The following ADAMTSL3 variants were observed in gnomAD, a reference collection of about 807,000 sequenced individuals.
ADAMTSL3 encodes the protein ADAMTS-like protein 3.
Under a neutral mutation model 201.7 loss-of-function variants are expected in ADAMTSL3, and 128 were observed. The ratio of observed to expected loss-of-function variants is 0.63; its 90% confidence interval spans 0.55 to 0.73. The LOEUF (loss-of-function observed/expected upper bound fraction) is 0.73, where lower values mean the gene tolerates loss of function less well. Among genes scored for constraint, ADAMTSL3 ranks in the 30% least tolerant of loss-of-function variants. ADAMTSL3 has a pLI of 0.00. For synonymous variants in ADAMTSL3, 738 were observed against 748.4 expected, an observed-to-expected ratio of 0.99 and a Z score of 0.23; for missense variants, 1,990 against 2,119.6, an observed-to-expected ratio of 0.94 and a Z score of 1.20.
chr15:83,806,559 A>G (rs2063606043), intron 5 of ADAMTSL3, among the ~76,000 whole-genome samples: 1 of 152,262 alleles, frequency 6.6e-6, no homozygotes, highest in South Asian at 2.1e-4. Flanking sequence ...CAGATATCAA[A>G]GTAGATACAC....
intron 17 of ADAMTSL3, among the ~76,000 whole-genome samples, chr15:83,932,057 C>A (rs1204975559): frequency 6.6e-6 from 1 of 152,090 alleles, no homozygotes; most frequent in Non-Finnish European, 1.5e-5. Context: ...TTAAAAGCTA[C>A]CACTCATGAA....
chr15:83,719,069 G>A (rs1028272118), intron 3 of ADAMTSL3, among the ~76,000 whole-genome samples: 32 of 152,148 alleles, frequency 2.1e-4, no homozygotes, highest in African/African-American at 7.5e-4. Flanking sequence ...GTCGCAAAAA[G>A]GGAGACAGCC....
intron 3 of ADAMTSL3, among the ~76,000 whole-genome samples, chr15:83,755,039 C>T (rs2062697227): frequency 6.6e-6 from 1 of 152,060 alleles, no homozygotes. Flanking sequence ...GTTATTTATT[C>T]AAAGTTTAAT....
At chr15:83,871,424 G>A (rs796165150) in intron 9 of ADAMTSL3, among the ~76,000 whole-genome samples, 55 of 152,316 alleles carry the variant, frequency 3.6e-4, no homozygotes, top group African/African-American at 1.3e-3. Flanking sequence ...TCCTAAACCA[G>A]TATTGTGCCG....
At chr15:83,841,698 G>C (rs2064377451) in intron 7 of ADAMTSL3, among the ~76,000 whole-genome samples, 1 of 152,060 alleles carries the variant, frequency 6.6e-6, no homozygotes, top group Non-Finnish European at 1.5e-5. Flanking sequence ...TCCTGGCTAG[G>C]GCTCCGCCCT....
At chr15:83,698,629 A>ATT (rs2061721307) in intron 2 of ADAMTSL3, among the ~76,000 whole-genome samples, 2 of 151,988 alleles carry the variant, frequency 1.3e-5, no homozygotes, top group African/African-American at 4.8e-5. Flanking sequence ...GCCACATGCC[A>ATT]CTGAGTCTTC....
Position 83,773,641 on chromosome 15 carries a change from T to G in ADAMTSL3, c.308T>G (p.Leu103Trp), listed in dbSNP as rs763865325. ...GCATCATATTCTCTGCGGAGATGTT[T>G]GACTGGAAGGTTAGTGGTGGCTTCA... is the stretch of plus-strand genomic sequence containing the variant. The part of the protein sequence containing the change: ...GGASYSLRRC[L>W]TGRNCEGQNI... Residue 103 changes from leucine to tryptophan, a missense_variant, in exon 4 of 30, where the codon TTG (leucine) becomes TGG (tryptophan). Coordinates refer to ENST00000286744, the MANE Select transcript of ADAMTSL3 (RefSeq NM_207517.3). The G allele has an allele frequency of 6.2e-7, 1 of 1,608,790 alleles. No individual in the cohort carries two copies. The highest frequency in any genetic ancestry group is 1.1e-5 in the South Asian group (1 of 89,282).
At chr15:83,841,857 A>G (rs2064383113) in intron 7 of ADAMTSL3, among the ~76,000 whole-genome samples, 1 of 151,900 alleles carries the variant, frequency 6.6e-6, no homozygotes. Flanking sequence ...CCTAGCAGTC[A>G]CACACACAAG....
At chr15:83,857,263 G>A (rs1397319245) in intron 7 of ADAMTSL3, among the ~76,000 whole-genome samples, 1 of 152,052 alleles carries the variant, frequency 6.6e-6, no homozygotes, top group Non-Finnish European at 1.5e-5. Context: ...CCCATTCCGT[G>A]GGTTGCCTCT....
At chr15:83,800,032 C>A (rs1053223468) in intron 4 of ADAMTSL3, among the ~76,000 whole-genome samples, 4 of 151,924 alleles carry the variant, frequency 2.6e-5, no homozygotes, top group Non-Finnish European at 5.9e-5. Flanking sequence ...CAAGCCACAT[C>A]AATAGAGGCC....
intron 3 of ADAMTSL3, among the ~76,000 whole-genome samples, chr15:83,705,368 G>C (rs1354870338): frequency 6.6e-6 from 1 of 152,140 alleles, no homozygotes; most frequent in Non-Finnish European, 1.5e-5. Flanking sequence ...ATGGCCCAGT[G>C]ACTGAGGCCA....
intron 11 of ADAMTSL3, 93 bp downstream of exon 11, chr15:83,890,340 A>G (rs2065479377): frequency 6.7e-7 from 1 of 1,482,370 alleles, no homozygotes; most frequent in Admixed American, 2.2e-5. Context: ...ATACATTTCC[A>G]TTTCCTGGCT....
intron 5 of ADAMTSL3, among the ~76,000 whole-genome samples, chr15:83,810,730 T>G (rs983566505): frequency 4.6e-5 from 7 of 152,106 alleles, no homozygotes; most frequent in African/African-American, 1.7e-4. Flanking sequence ...TGTTTGAACA[T>G]TTTTCTTTTT....
At chr15:83,911,409 T>C (rs1436478330) in intron 15 of ADAMTSL3, among the ~76,000 whole-genome samples, 4 of 152,240 alleles carry the variant, frequency 2.6e-5, no homozygotes, top group Non-Finnish European at 5.9e-5. Context: ...TATCAGTTCA[T>C]ACCTAAACCT....
chr15:83,886,407 C>T (rs1214793719), intron 10 of ADAMTSL3, among the ~76,000 whole-genome samples: 1 of 152,162 alleles, frequency 6.6e-6, no homozygotes, highest in African/African-American at 2.4e-5. Context: ...AGGAAGGTCT[C>T]TTTTATTCCT....
intron 15 of ADAMTSL3, among the ~76,000 whole-genome samples, chr15:83,901,459 A>G (rs1191281819): frequency 6.6e-6 from 1 of 152,182 alleles, no homozygotes; most frequent in Admixed American, 6.5e-5. Context: ...TTGATTAACA[A>G]GAAAGGCTTT....
chr15:84,025,597 G>C (rs905915063), intron 27 of ADAMTSL3, 161 bp downstream of exon 27: 1 of 694,592 alleles, frequency 1.4e-6, no homozygotes, highest in Non-Finnish European at 2.3e-6. Context: ...TTTACATTTA[G>C]AAATCATAGT....
chr15:83,842,095 A>G (rs1426102812), intron 7 of ADAMTSL3, among the ~76,000 whole-genome samples: 1 of 150,670 alleles, frequency 6.6e-6, no homozygotes, highest in East Asian at 2.1e-4. Context: ...AGCTACCTCT[A>G]CCATTCAATA....
chr15:83,770,760 T>A (rs184637401), intron 3 of ADAMTSL3, among the ~76,000 whole-genome samples: 9 of 152,258 alleles, frequency 5.9e-5, no homozygotes, highest in Non-Finnish European at 1.3e-4. Context: ...ATGAAGAAGT[T>A]ATCTATGATT....
Sources: allele counts gnomAD v4.1 joint callset (sites outside exome capture counted in the v4.1 genomes callset), GRCh38; gene constraint gnomAD v4.1.1; transcripts MANE v1.5; gene names NCBI Gene and HGNC (gene_info 2026-07-23, HGNC 2026-07-21).